FN3K: variants seen among roughly 807,000 people sequenced by gnomAD.
FN3K encodes the protein fructosamine 3 kinase.
Under a neutral mutation model 24.8 loss-of-function variants are expected in FN3K, and 24 were observed. The observed-to-expected ratio is 0.97, with a 90% CI of 0.70 to 1.36. The LOEUF is 1.36. FN3K is among the 40% of genes most tolerant of loss of function. FN3K has a pLI of 0.00. For synonymous variants in FN3K, 192 were observed against 175.2 expected (o/e 1.10, Z -0.76); for missense variants, 449 against 416.7 (o/e 1.08, Z -0.67).
intron 4 of FN3K, among the ~76,000 whole-genome samples, chr17:82,743,792 C>T (rs758453012): frequency 1.3e-5 from 2 of 152,246 alleles, no homozygotes; most frequent in Non-Finnish European, 2.9e-5. Context: ...AGCTGGGCTT[C>T]GACCCTCAGT....
chr17:82,735,775 C>G lies in FN3K; in HGVS notation c.139C>G (p.Gln47Glu). The G allele has an allele frequency of 6.4e-7, 1 of 1,561,254 alleles. No individual in the cohort carries two copies. Among genetic ancestry groups the G allele is most frequent in the Non-Finnish European group, 8.7e-7 (1 of 1,154,668 alleles). Residue 47 changes from glutamine (Q) to glutamate (E), a missense_variant and splice_region_variant, in exon 1 of 6, where the codon CAG becomes GAG. Transcript: ENST00000300784. Reference sequence around the variant, plus strand: ...GTTCGTCAAAGTCAACCGCAGGACGCAGGTGCTGGCCCGTGCGCAGGCGGG... The same window carrying G: ...GTTCGTCAAAGTCAACCGCAGGACGGAGGTGCTGGCCCGTGCGCAGGCGGG... ...PVFVKVNRRT[Q>E]ARQMFEGEVA...
intron 4 of FN3K, 166 bp downstream of exon 4, chr17:82,741,559 T>A: frequency 1.5e-6 from 1 of 654,030 alleles, no homozygotes; most frequent in Non-Finnish European, 2.7e-6. Flanking sequence ...ACGCTGAGGG[T>A]CACTGAGCTG....
chr17:82,736,638 C>T (rs1051544521), intron 1 of FN3K, among the ~76,000 whole-genome samples: 7 of 152,190 alleles, frequency 4.6e-5, no homozygotes, highest in East Asian at 3.9e-4. Flanking sequence ...GGTGCCCTCC[C>T]GGCCCGAGTG....
chr17:82,740,366 C>T (rs943478068), intron 2 of FN3K, among the ~76,000 whole-genome samples: 2 of 140,636 alleles, frequency 1.4e-5, no homozygotes, highest in African/African-American at 5.3e-5. Flanking sequence ...TGGTGGTTCA[C>T]ACCTGTAATC....
chr17:82,740,180 C>G (rs1391884554), intron 2 of FN3K, among the ~76,000 whole-genome samples: 1 of 152,152 alleles, frequency 6.6e-6, no homozygotes, highest in South Asian at 2.1e-4. Flanking sequence ...GTACTATAGG[C>G]CTGAGCCACT....
intron 1 of FN3K, 88 bp downstream of exon 1, chr17:82,735,865 G>A (rs2046897484): frequency 2.0e-6 from 3 of 1,476,308 alleles, no homozygotes; most frequent in Admixed American, 2.0e-5. Context: ...ATTTCCTGGG[G>A]CTGGGCCTGG....
intron 2 of FN3K, 67 bp downstream of exon 2, chr17:82,738,707 G>C: frequency 6.3e-7 from 1 of 1,590,030 alleles, no homozygotes. Flanking sequence ...GACAAACAGA[G>C]AGAGACAGAG....
chr17:82,746,120 ACT>A (rs750250959), intron 4 of FN3K, among the ~76,000 whole-genome samples: 90 of 151,296 alleles, frequency 5.9e-4, no homozygotes, highest in Non-Finnish European at 1.0e-3. Context: ...AAACTACCAA[ACT>A]CTTTTCCAAA....
chr17:82,740,701 C>G lies in FN3K; in HGVS notation c.294-62C>G, dbSNP rs565874822. 1.9e-4 allele frequency: 221 copies of G among 1,183,468 alleles called. No homozygotes were observed. In the African/African-American group the frequency reaches 2.9e-3, roughly 16 times the overall value. 73.3% of individuals were successfully genotyped at this position (1,183,468 alleles called of 1,614,324 possible). On this transcript the variant is annotated intron_variant, in intron 2 of 5. Transcript: ENST00000300784. ...TATTTAAACCTTTCTCAAAATGGAA[C>G]AAACTGGGTGGTGTTATTTATTATT...
In FN3K at chr17:82,750,907, TC is replaced by T; in HGVS notation, c.*156del. 7.6e-6 allele frequency: 3 copies of T among 394,690 alleles called. No individual in the cohort carries two copies. Among genetic ancestry groups the T allele is most frequent in the South Asian group, 6.3e-5 (3 of 47,764 alleles). The allele number at this position is 394,690 out of a possible 1,614,324, so 24.4% of individuals were successfully genotyped here. A position where few individuals can be genotyped will look rare whatever the true frequency, so the allele number is the denominator to read the frequency against. On this transcript the variant is annotated 3_prime_UTR_variant, in exon 6 of 6. Coordinates refer to ENST00000300784, the MANE Select transcript of FN3K (RefSeq NM_022158.4). ...ATCCCCCCGTCCCCCCATCCTCCTG[TC>T]CCCGTCCCCCCGTCCCCGTCCCTCC...
At chr17:82,744,636 G>C (rs1227307575) in intron 4 of FN3K, among the ~76,000 whole-genome samples, 2 of 147,864 alleles carry the variant, frequency 1.4e-5, no homozygotes, top group African/African-American at 2.5e-5. Context: ...AGAGAAATAA[G>C]GGGACCCAGG....
rs1035177200 is a variant in FN3K at position 82,737,467 on chromosome 17, T to C, written c.142-1022T>C. On this transcript the variant is annotated intron_variant, in intron 1 of 5. Coordinates refer to ENST00000300784, the MANE Select transcript of FN3K (RefSeq NM_022158.4). ...CCTCCCGAGTAGCTGGGACTACAGG[T>C]GCCCGCCACCTTGCCTGGCTAATTT... Among the ~76,000 whole-genome samples the C allele has an allele frequency of 7.9e-5, 12 of 151,950 alleles. No individual in the cohort carries two copies. The South Asian group carries it at 1.9e-3, about 24-fold the overall frequency.
rs535789561 is a variant in FN3K at position 82,738,371 on chromosome 17, C to G, written c.142-118C>G. 4.5e-5 allele frequency: 63 copies of G among 1,400,556 alleles called. No individual in the cohort carries two copies. In the Admixed American group the frequency reaches 7.5e-4, roughly 17 times the overall value. 86.8% of individuals were successfully genotyped at this position (1,400,556 alleles called of 1,614,324 possible). On this transcript the variant is annotated intron_variant, in intron 1 of 5. Coordinates refer to ENST00000300784, the MANE Select transcript of FN3K (RefSeq NM_022158.4). ...GGTGGACGCCAGCTCCCAGCCAGAG[C>G]CAGCTATCAGTGAATGAAGGTCCTT...
intron 2 of FN3K, among the ~76,000 whole-genome samples, chr17:82,739,606 C>T (rs1033196508): frequency 2.6e-5 from 4 of 151,914 alleles, no homozygotes; most frequent in East Asian, 1.9e-4. Flanking sequence ...TACAGGCGCC[C>T]GCCACCATGC....
Position 82,740,782 on chromosome 17 carries a change from G to T in FN3K, c.313G>T (p.Glu105Ter). The T allele has an allele frequency of 2.5e-6, 4 of 1,613,552 alleles. No homozygotes were observed. The highest frequency in any genetic ancestry group is 2.5e-6 in the Non-Finnish European group (3 of 1,179,628). Residue 105 changes from glutamate (E) to a stop codon, truncating the protein, a stop_gained, in exon 3 of 6, where the codon GAG becomes TAG. Coordinates refer to ENST00000300784, the MANE Select transcript of FN3K (RefSeq NM_022158.4). LOFTEE classifies it high-confidence loss of function. ...CCTCAGTCAAGCATCAAAACTTGGA[G>T]AGCAGATGGCAGATTTGCATCTTTA... ...SLSSQASKLG[E>*]QMADLHLYNQ...
At chr17:82,738,401 C>A (rs552001445) in intron 1 of FN3K, 88 bp from the exon 2 acceptor site, 1 of 1,563,974 alleles carries the variant, frequency 6.4e-7, no homozygotes, top group African/African-American at 1.4e-5. Flanking sequence ...GTCCTTGTGA[C>A]TCCCACGTGG....
rs777261368 is a variant in FN3K at position 82,748,883 on chromosome 17, C to G, written c.497C>G (p.Thr166Ser). The G allele has an allele frequency of 9.9e-6, 16 of 1,613,350 alleles. No homozygotes were observed. The Admixed American group carries it at 2.7e-4, about 27-fold the overall frequency. ...AATGAGTGGCAGGATGACTGGCCGACCTTTTTCGCCCGGCACCGGCTCCAG... is the reference window on the plus strand; with the variant it reads ...AATGAGTGGCAGGATGACTGGCCGAGCTTTTTCGCCCGGCACCGGCTCCAG... ...QVNEWQDDWP[T>S]FFARHRLQAQ... The change falls in exon 5 of 6, where the codon ACC becomes AGC. Residue 166 changes from threonine to serine, a missense_variant. Physicochemically the swap from Thr to Ser is moderately conservative, Grantham distance 58. Coordinates refer to ENST00000300784, the MANE Select transcript of FN3K (RefSeq NM_022158.4).
intron 3 of FN3K, chr17:82,741,082 G>A: frequency 1.5e-6 from 1 of 660,944 alleles, no homozygotes; most frequent in Non-Finnish European, 2.7e-6. Flanking sequence ...TGTCTGGTGT[G>A]CTTGAGGTAA....
chr17:82,746,662 GCA>G (rs1411388052), intron 4 of FN3K, among the ~76,000 whole-genome samples: 1 of 151,996 alleles, frequency 6.6e-6, no homozygotes, highest in Non-Finnish European at 1.5e-5. Flanking sequence ...CATTAGCCAG[GCA>G]TGGTGGCGGG....
Sources: allele counts gnomAD v4.1 joint callset (sites outside exome capture counted in the v4.1 genomes callset), GRCh38; gene constraint gnomAD v4.1.1; transcripts MANE v1.5; gene names NCBI Gene and HGNC (gene_info 2026-07-23, HGNC 2026-07-21).